Variants in AFF1 observed in about 807,000 individuals in gnomAD.
AFF1 encodes AF4/FMR2 family member 1.
AFF1 carries 48 observed loss-of-function variants against 121.7 expected under a neutral mutation model. The ratio of observed to expected loss-of-function variants is 0.39; its 90% confidence interval spans 0.31 to 0.50. The LOEUF (loss-of-function observed/expected upper bound fraction) is 0.50. Ranked by LOEUF, AFF1 falls within the 20% of genes least tolerant of loss-of-function variation. The pLI, the probability that AFF1 is intolerant of heterozygous loss-of-function variation, is 0.76. For synonymous variants in AFF1, 613 were observed against 563.0 expected, an observed-to-expected ratio of 1.09 and a Z score of -1.26; for missense variants, 1,523 against 1,511.7, an observed-to-expected ratio of 1.01 and a Z score of -0.12.
intron 10 of AFF1, among the ~76,000 whole-genome samples, chr4:87,107,120 A>G (rs960073144): frequency 1.3e-5 from 2 of 152,232 alleles, no homozygotes; most frequent in Admixed American, 1.3e-4. Context: ...AACTGGGTGC[A>G]GCATTTCTGT....
intron 1 of AFF1, among the ~76,000 whole-genome samples, chr4:86,946,002 G>A (rs192300087): frequency 6.6e-6 from 1 of 152,182 alleles, no homozygotes; most frequent in Admixed American, 6.5e-5. Context: ...ATTTTATTTA[G>A]ATCTTGCTTA....
At chr4:86,950,176 C>T (rs116817412) in intron 2 of AFF1, 22,996 of 1,403,052 alleles carry the variant, frequency 0.016, 259 homozygotes, top group Non-Finnish European at 0.02. Context: ...TGTCTCATCC[C>T]GAGGTATTAT....
chr4:86,982,016 TAAATG>T (rs1297337623), intron 2 of AFF1, among the ~76,000 whole-genome samples: 1 of 152,080 alleles, frequency 6.6e-6, no homozygotes, highest in Non-Finnish European at 1.5e-5. Flanking sequence ...GCACGGGAAA[TAAATG>T]AGAAGTGACA....
At chr4:86,951,593 CTT>C (rs1280148890) in intron 2 of AFF1, among the ~76,000 whole-genome samples, 4 of 134,664 alleles carry the variant, frequency 3.0e-5, no homozygotes, top group Non-Finnish European at 6.2e-5. Flanking sequence ...TGTTAGGGAA[CTT>C]TTTTTTCTTT....
chr4:87,140,973 CT>C lies in AFF1; in HGVS notation c.*5275del, dbSNP rs1334202439. The C allele has an allele frequency of 2.2e-5, 4 of 180,500 alleles. No individual in the cohort carries two copies. Among genetic ancestry groups the C allele is most frequent in the Non-Finnish European group, 4.7e-5 (4 of 84,220 alleles). The allele number at this position is 180,500 out of a possible 1,614,324, so 11.2% of individuals were successfully genotyped here. On this transcript the variant is annotated 3_prime_UTR_variant, in exon 21 of 21. Coordinates refer to ENST00000395146, the MANE Select transcript of AFF1 (RefSeq NM_001166693.3). ...AAATGTAATTGTTCATCTTTAAATTCTTTCCTTTTCATAAGAGGATCAAGCT... is the reference window on the plus strand; with the variant it reads ...AAATGTAATTGTTCATCTTTAAATTCTTCCTTTTCATAAGAGGATCAAGCT...
At chr4:87,025,024 C>T (rs897697878) in intron 2 of AFF1, among the ~76,000 whole-genome samples, 2 of 152,232 alleles carry the variant, frequency 1.3e-5, no homozygotes, top group Non-Finnish European at 2.9e-5. Flanking sequence ...ACATTTTATG[C>T]CATCCTTGGG....
intron 2 of AFF1, among the ~76,000 whole-genome samples, chr4:87,008,322 T>TCA (rs1726380629): frequency 6.6e-6 from 1 of 152,216 alleles, no homozygotes; most frequent in African/African-American, 2.4e-5. Flanking sequence ...TTAACACGTC[T>TCA]GAAGACTCAG....
chr4:87,113,254 A>C (rs895002588), intron 11 of AFF1, among the ~76,000 whole-genome samples: 3 of 152,002 alleles, frequency 2.0e-5, no homozygotes, highest in Non-Finnish European at 4.4e-5. Context: ...GCTGTTTCAG[A>C]CCAGGTTGCT....
In AFF1 at chr4:87,110,666, A is replaced by G. The variant is rs1346655002; in HGVS notation, c.1533+2351A>G. Among the ~76,000 whole-genome samples, 5 of 152,092 alleles carry G rather than the reference A, an allele frequency of 3.3e-5. No homozygotes were observed. In the East Asian group the frequency reaches 5.8e-4, roughly 18 times the overall value. On this transcript the variant is annotated intron_variant, in intron 11 of 20. Transcript: ENST00000395146. ...AAAAAATTTTGCACTCATATTCCCC[A>G]TAGCTATGTAGTGTTACTAAAAGAG...
chr4:87,008,607 G>A (rs1189531204), intron 2 of AFF1, among the ~76,000 whole-genome samples: 1 of 131,308 alleles, frequency 7.6e-6, no homozygotes, highest in Non-Finnish European at 1.7e-5. Context: ...TTAACCTCTA[G>A]CTGAAATTTA....
Position 87,136,627 on chromosome 4 carries a change from C to T in AFF1, c.*926C>T, listed in dbSNP as rs77857208. The T allele has an allele frequency of 0.011, 2,430 of 230,904 alleles. 60 individuals carry two copies. The highest frequency in any genetic ancestry group is 0.05 in the African/African-American group (2,260 of 45,274). 14.3% of individuals were successfully genotyped at this position (230,904 alleles called of 1,614,324 possible). A position where few individuals can be genotyped will look rare whatever the true frequency, so the allele number is the denominator to read the frequency against. On this transcript the variant is annotated 3_prime_UTR_variant, in exon 21 of 21. Transcript: ENST00000395146. Reference sequence around the variant, plus strand: ...CCAACATTTATACCTGACCAGATGGCTAAAGTGCTTTTAAAGTTTTGTTTA... The same window carrying T: ...CCAACATTTATACCTGACCAGATGGTTAAAGTGCTTTTAAAGTTTTGTTTA...
At position 87,094,970 on chromosome 4, in the gene AFF1, G is replaced by A. The variant is rs757375571; in HGVS notation, c.1283+1G>A. ...CAAATTCTCAGCAAGGAACGTCATC[G>A]TAAGTGAAATGCTTTTTGTGTATTA... On this transcript the variant is annotated splice_donor_variant, in intron 8 of 20. Coordinates refer to ENST00000395146, the MANE Select transcript of AFF1 (RefSeq NM_001166693.3). LOFTEE classifies it high-confidence loss of function. The A allele has an allele frequency of 5.0e-6, 8 of 1,612,388 alleles. No homozygotes were observed. The highest frequency in any genetic ancestry group is 2.2e-5 in the East Asian group (1 of 44,866).
At position 87,046,807 on chromosome 4, in the gene AFF1, A is replaced by C; in HGVS notation, c.272A>C (p.Glu91Ala). ...CACACTCATCGCCTGGATGCTTCTG[A>C]AAATAGGTTGGGAAAGCCGAAATAT... is the stretch of plus-strand genomic sequence containing the variant. ...KSHTHRLDAS[E>A]NRLGKPKYPL... The change falls in exon 4 of 21, where the codon GAA becomes GCA. Residue 91 changes from glutamate (E) to alanine (A), a missense_variant. By Grantham distance (107) the Glu-to-Ala change is moderately radical. Transcript: ENST00000395146. 1 of 1,614,204 alleles carries C rather than the reference A, an allele frequency of 6.2e-7. No individual in the cohort carries two copies. The highest frequency in any genetic ancestry group is 8.5e-7 in the Non-Finnish European group (1 of 1,180,036).
chr4:86,969,466 G>A lies in AFF1; in HGVS notation c.38+20895G>A, dbSNP rs566660739. On this transcript the variant is annotated intron_variant, in intron 2 of 20. Transcript: ENST00000395146. ...TGCACTCCAGCCTGGGCAACAGAGC[G>A]AGCTTCCATCTCAAAAACAGAACAA... Among the ~76,000 whole-genome samples, 15 of 151,752 alleles carry A rather than the reference G, an allele frequency of 9.9e-5. No homozygotes were observed. In the South Asian group the frequency reaches 1.5e-3, roughly 15 times the overall value.
intron 2 of AFF1, among the ~76,000 whole-genome samples, chr4:86,994,934 A>C (rs56023922): frequency 0.14 from 21,641 of 152,052 alleles, 2,059 homozygotes; most frequent in East Asian, 0.31. Context: ...AGGGTGTTAG[A>C]TATCCTGTAA....
At chr4:87,067,854 T>A (rs1721523450) in intron 4 of AFF1, among the ~76,000 whole-genome samples, 1 of 152,346 alleles carries the variant, frequency 6.6e-6, no homozygotes, top group African/African-American at 2.4e-5. Context: ...GCACAGAGCA[T>A]GGTTCAATGC....
chr4:87,077,121 A>AGT (rs1722746932), intron 4 of AFF1, among the ~76,000 whole-genome samples: 2 of 152,256 alleles, frequency 1.3e-5, no homozygotes. Context: ...TCACTATGTA[A>AGT]GTATGACTAA....
At chr4:87,065,316 A>G (rs1227822539) in intron 4 of AFF1, among the ~76,000 whole-genome samples, 1 of 152,156 alleles carries the variant, frequency 6.6e-6, no homozygotes, top group Non-Finnish European at 1.5e-5. Context: ...CACTGTTACA[A>G]GAACAGCACG....
intron 1 of AFF1, among the ~76,000 whole-genome samples, chr4:86,939,130 GAGAA>G (rs1720271103): frequency 9.2e-6 from 1 of 108,550 alleles, no homozygotes; most frequent in African/African-American, 2.9e-5. Flanking sequence ...GATCAAGAAA[GAGAA>G]AGGGCCTGTG....
Sources: gnomAD v4.1 joint callset for allele counts (sites outside exome capture counted in the v4.1 genomes callset) on GRCh38, gnomAD v4.1.1 for gene constraint, MANE v1.5 for transcripts, NCBI Gene and HGNC (gene_info 2026-07-23, HGNC 2026-07-21) for gene names.